The following TCF7L2 variants were observed in gnomAD, a reference collection of about 807,000 sequenced individuals.
TCF7L2 encodes transcription factor 7 like 2.
Under a neutral mutation model 77.9 loss-of-function variants are expected in TCF7L2, and 23 were observed. That is an observed-to-expected ratio of 0.30 (90% CI 0.21 to 0.42). TCF7L2 has a LOEUF of 0.42. Among genes scored for constraint, TCF7L2 ranks in the 10% least tolerant of loss-of-function variants. TCF7L2 has a pLI of 1.00. For missense variants in TCF7L2, 654 were observed against 793.1 expected, an observed-to-expected ratio of 0.82 and a Z score of 2.11; for synonymous variants, 413 against 340.2, an observed-to-expected ratio of 1.21 and a Z score of -2.36.
intron 5 of TCF7L2, among the ~76,000 whole-genome samples, chr10:113,099,154 A>C (rs1273181588): frequency 7.1e-6 from 1 of 140,608 alleles, no homozygotes; most frequent in Admixed American, 7.3e-5. Context: ...TTGTGGATTT[A>C]TGAGAATTCA....
chr10:113,130,686 CA>C (rs2066438650), intron 5 of TCF7L2, among the ~76,000 whole-genome samples: 1 of 152,064 alleles, frequency 6.6e-6, no homozygotes, highest in African/African-American at 2.4e-5. Context: ...GGCCCTTTTG[CA>C]ATATGAATTT....
chr10:112,999,888 ACCTAAT>A (rs1450227430), intron 4 of TCF7L2, among the ~76,000 whole-genome samples: 2 of 152,150 alleles, frequency 1.3e-5, no homozygotes, highest in East Asian at 3.9e-4. Context: ...AGAACATGGG[ACCTAAT>A]CCTGGCCATC....
intron 5 of TCF7L2, among the ~76,000 whole-genome samples, chr10:113,051,017 T>G (rs2054330351): frequency 6.6e-6 from 1 of 151,936 alleles, no homozygotes; most frequent in African/African-American, 2.4e-5. Flanking sequence ...TTTCTGATAA[T>G]GGCATTTCCT....
chr10:113,102,506 C>G (rs1431517128), intron 5 of TCF7L2, among the ~76,000 whole-genome samples: 1 of 151,030 alleles, frequency 6.6e-6, no homozygotes, highest in Admixed American at 6.6e-5. Context: ...CTCACTGCAA[C>G]CTCCACCTCC....
chr10:113,077,617 G>A (rs1188337346), intron 5 of TCF7L2, among the ~76,000 whole-genome samples: 2 of 151,838 alleles, frequency 1.3e-5, no homozygotes, highest in Admixed American at 6.6e-5. Flanking sequence ...CTTTGTGACT[G>A]CTTCTTTCGC....
intron 5 of TCF7L2, among the ~76,000 whole-genome samples, chr10:113,086,560 C>T (rs1237019423): frequency 5.3e-5 from 8 of 152,218 alleles, no homozygotes; most frequent in Admixed American, 3.9e-4. Flanking sequence ...TTTCCCACTT[C>T]TGAAGCTGGG....
chr10:112,979,246 G>C (rs1305562068), intron 4 of TCF7L2, among the ~76,000 whole-genome samples: 1 of 152,140 alleles, frequency 6.6e-6, no homozygotes, highest in African/African-American at 2.4e-5. Context: ...TCTTGCCTCA[G>C]TACCCATAAA....
At chr10:113,140,851 CA>C (rs1410658261) in intron 5 of TCF7L2, among the ~76,000 whole-genome samples, 1 of 152,144 alleles carries the variant, frequency 6.6e-6, no homozygotes, top group African/African-American at 2.4e-5. Context: ...ACGCAGTAGG[CA>C]TGGGAGATTG....
At position 113,054,815 on chromosome 10, in the gene TCF7L2, C is replaced by A. The variant is rs2055087025; in HGVS notation, c.552+14689C>A. ...ACTTTGACATAAGTGGCTTCACATT[C>A]CACATAACATTCTGCAGCATGTTTT... On this transcript the variant is annotated intron_variant, in intron 5 of 13. Transcript: ENST00000627217. Among the ~76,000 whole-genome samples the A allele has an allele frequency of 2.0e-5, 3 of 152,044 alleles. 1 individual carries two copies. The highest frequency in any genetic ancestry group is 2.0e-4 in the Admixed American group (3 of 15,262).
intron 5 of TCF7L2, among the ~76,000 whole-genome samples, chr10:113,063,251 T>A (rs546471307): frequency 6.6e-6 from 1 of 152,234 alleles, no homozygotes; most frequent in South Asian, 2.1e-4. Context: ...GGGTTGCAAA[T>A]TTGACTTTAG....
chr10:112,983,954 CAA>C (rs1224773249), intron 4 of TCF7L2, among the ~76,000 whole-genome samples: 2 of 152,304 alleles, frequency 1.3e-5, no homozygotes, highest in Admixed American at 6.5e-5. Context: ...GATTTATTCT[CAA>C]GAGTGGTGAA....
intron 4 of TCF7L2, among the ~76,000 whole-genome samples, chr10:112,972,203 A>G (rs1438103275): frequency 1.3e-5 from 2 of 152,170 alleles, no homozygotes; most frequent in African/African-American, 4.8e-5. Context: ...TAAGTACTAC[A>G]TTGGGATAAT....
rs577870914 is a variant in TCF7L2, at chr10:113,052,020, A to G, written c.552+11894A>G. 2.6e-5 allele frequency among the ~76,000 whole-genome samples: 4 copies of G among 152,284 alleles called. No individual in the cohort carries two copies. The South Asian group carries it at 8.3e-4, about 32-fold the overall frequency. ...ACTTACTTGTATTACTAGAAGCATTATTTTTTAAATCATGGAAAATTGGTG... is the reference window on the plus strand; with the variant it reads ...ACTTACTTGTATTACTAGAAGCATTGTTTTTTAAATCATGGAAAATTGGTG... On this transcript the variant is annotated intron_variant, in intron 5 of 13. Coordinates refer to ENST00000627217, the MANE Select transcript of TCF7L2 (RefSeq NM_001146274.2).
intron 4 of TCF7L2, among the ~76,000 whole-genome samples, chr10:113,008,927 T>G (rs2046008088): frequency 6.6e-6 from 1 of 152,128 alleles, no homozygotes; most frequent in East Asian, 1.9e-4. Flanking sequence ...TCTATAAATC[T>G]CATCTTTTTT....
intron 4 of TCF7L2, among the ~76,000 whole-genome samples, 188 bp downstream of exon 4, chr10:112,964,812 T>TTG (rs759615330): frequency 2.4e-4 from 9 of 38,280 alleles, no homozygotes; most frequent in African/African-American, 6.9e-4. Flanking sequence ...GTGGTGGTGG[T>TTG]GGGGGGGGGT....
chr10:113,158,695 C>T (rs2072471895), intron 12 of TCF7L2: 2 of 1,613,676 alleles, frequency 1.2e-6, no homozygotes, highest in Admixed American at 1.7e-5. Flanking sequence ...TAAATCCTTG[C>T]CTTTCACTTC....
intron 4 of TCF7L2, among the ~76,000 whole-genome samples, chr10:112,984,947 T>G (rs941639081): frequency 6.6e-6 from 1 of 152,178 alleles, no homozygotes; most frequent in Non-Finnish European, 1.5e-5. Context: ...GGCACTGAAG[T>G]CAGACGTAGC....
chr10:113,145,972 C>CCTT, intron 7 of TCF7L2, 39 bp from the exon 8 acceptor site: 1 of 1,342,580 alleles, frequency 7.4e-7, no homozygotes, highest in Admixed American at 1.8e-5. Context: ...CACCCCCACC[C>CCTT]TTGTTTCAAG....
chr10:113,141,446 CT>C, intron 6 of TCF7L2, 130 bp downstream of exon 6: 1 of 1,301,822 alleles, frequency 7.7e-7, no homozygotes, highest in Non-Finnish European at 1.0e-6. Context: ...GGGGGGGCCC[CT>C]GTTGCTTTTC....
Sources: gnomAD v4.1 joint callset for allele counts (sites outside exome capture counted in the v4.1 genomes callset) on GRCh38, gnomAD v4.1.1 for gene constraint, MANE v1.5 for transcripts, NCBI Gene and HGNC (gene_info 2026-07-23, HGNC 2026-07-21) for gene names.